PDHX: variants seen among roughly 807,000 people sequenced by gnomAD.
PDHX encodes pyruvate dehydrogenase complex component X.
PDHX carries 33 observed loss-of-function variants against 55.3 expected under a neutral mutation model. The ratio of observed to expected loss-of-function variants is 0.60; its 90% CI spans 0.45 to 0.80. PDHX has a LOEUF of 0.80. Ranked by LOEUF, PDHX falls within the 30% of genes least tolerant of loss-of-function variation. The pLI is 0.00. For synonymous variants in PDHX, 226 were observed against 219.4 expected (o/e 1.03, Z -0.27); for missense variants, 622 against 619.9 (o/e 1.00, Z -0.04).
intron 1 of PDHX, among the ~76,000 whole-genome samples, chr11:34,920,972 C>A (rs2986408): frequency 0.78 from 119,399 of 152,140 alleles, 47,004 homozygotes; most frequent in East Asian, 0.83. Context: ...GTGCTATAAC[C>A]AGGAGAGAGG....
At chr11:34,967,422 A>G (rs543413310) in intron 6 of PDHX, among the ~76,000 whole-genome samples, 1 of 152,316 alleles carries the variant, frequency 6.6e-6, no homozygotes, top group South Asian at 2.1e-4. Flanking sequence ...TATATTCTCT[A>G]CAATCTCATG....
At position 34,978,158 on chromosome 11, in the gene PDHX, C is replaced by T; in HGVS notation, c.999C>T (p.Ile333=). 6.3e-7 allele frequency: 1 copy of T among 1,576,298 alleles called. No homozygotes were observed. Among genetic ancestry groups the T allele is most frequent in the Admixed American group, 1.7e-5 (1 of 59,858 alleles). ...AAGTATCAGTAAATGATTTTATCAT[C>T]AAGGCAGCAGCTGTTACCCTTAAAG... ...DIKVSVNDFI[I]KAAAVTLKQM... The change falls in exon 8 of 11, where the codon ATC becomes ATT. Residue 333 remains isoleucine, a synonymous_variant. Transcript: ENST00000227868.
chr11:34,960,514 A>G lies in PDHX; in HGVS notation c.637A>G (p.Lys213Glu). ...TATGPRGIFTKEDALKLVQLK... is the reference protein window; with the variant it reads ...TATGPRGIFTEEDALKLVQLK... ...CACTGGCCCTCGGGGGATATTCACTAAAGAGTATGTGTTTGCTTTTTGTAA... is the reference window on the plus strand; with the variant it reads ...CACTGGCCCTCGGGGGATATTCACTGAAGAGTATGTGTTTGCTTTTTGTAA... Residue 213 changes from lysine (K) to glutamate (E), a missense_variant, in exon 5 of 11, where the codon AAA becomes GAA. Coordinates refer to ENST00000227868, the MANE Select transcript of PDHX (RefSeq NM_003477.3). 1.9e-6 allele frequency: 3 copies of G among 1,573,158 alleles called. No individual in the cohort carries two copies. The highest frequency in any genetic ancestry group is 2.6e-6 in the Non-Finnish European group (3 of 1,142,994).
intron 3 of PDHX, among the ~76,000 whole-genome samples, 189 bp from the exon 4 acceptor site, chr11:34,957,195 G>T (rs1459533609): frequency 6.6e-6 from 1 of 152,184 alleles, no homozygotes; most frequent in Non-Finnish European, 1.5e-5. Flanking sequence ...AGAGGAGAAT[G>T]GTGAAGGAAG....
intron 8 of PDHX, among the ~76,000 whole-genome samples, chr11:34,980,352 C>CTTGTTTTTTTTTTTTT (rs1855481644): frequency 1.3e-5 from 1 of 74,822 alleles, no homozygotes; most frequent in Non-Finnish European, 2.6e-5. Flanking sequence ...AAGATAGTTT[C>CTTGTTTTTTTTTTTTT]TTTTTTTTTT....
intron 1 of PDHX, among the ~76,000 whole-genome samples, chr11:34,929,520 GT>G (rs1854104972): frequency 1.3e-5 from 2 of 152,328 alleles, no homozygotes; most frequent in Admixed American, 1.3e-4. Flanking sequence ...CATGTTCAAG[GT>G]GGGGAAAAGG....
In PDHX at chr11:34,994,997, G is replaced by A. The variant is rs34398018; in HGVS notation, c.1331G>A (p.Arg444Lys). The change falls in exon 11 of 11, where the codon AGG (arginine) becomes AAG (lysine). Residue 444 changes from arginine (R) to lysine (K), a missense_variant. Transcript: ENST00000227868. ...PPQACILAVGRFRPVLKLTED... is the reference protein window; with the variant it reads ...PPQACILAVGKFRPVLKLTED... ...CAGGCCTGCATTTTGGCGGTTGGGA[G>A]GTTCCGACCTGTGCTGAAGCTCACT... The A allele has an allele frequency of 9.1e-4, 1,463 of 1,614,054 alleles. 14 individuals carry two copies. In the African/African-American group the frequency reaches 0.017, roughly 19 times the overall value.
intron 9 of PDHX, among the ~76,000 whole-genome samples, chr11:34,987,527 G>A (rs1387160248): frequency 1.3e-5 from 2 of 151,976 alleles, no homozygotes; most frequent in Non-Finnish European, 2.9e-5. Flanking sequence ...GTAAGAGAGA[G>A]AGATCTGAGC....
intron 2 of PDHX, among the ~76,000 whole-genome samples, chr11:34,932,197 T>G (rs1854194613): frequency 6.6e-6 from 1 of 152,182 alleles, no homozygotes; most frequent in African/African-American, 2.4e-5. Flanking sequence ...TGAATTCCTC[T>G]GAACCCGGAA....
At position 34,957,437 on chromosome 11, in the gene PDHX, A is replaced by G; in HGVS notation, c.396A>G (p.Val132=). The change falls in exon 4 of 11, where the codon GTA becomes GTG. Residue 132 remains valine, a synonymous_variant. Transcript: ENST00000227868. ...TAGGTTCACTAATTGGTTTGATAGT[A>G]GAAGAAGGAGAAGATTGGAAACATG... ...IRLGSLIGLI[V]EEGEDWKHVE... is the part of the protein sequence containing the mutation. The G allele has an allele frequency of 6.2e-7, 1 of 1,613,546 alleles. No homozygotes were observed. Among genetic ancestry groups the G allele is most frequent in the Non-Finnish European group, 8.5e-7 (1 of 1,179,452 alleles).
At chr11:34,978,754 T>G (rs1021716573) in intron 8 of PDHX, among the ~76,000 whole-genome samples, 1 of 151,890 alleles carries the variant, frequency 6.6e-6, no homozygotes, top group Non-Finnish European at 1.5e-5. Context: ...GTGCCTAGTA[T>G]GGAGAGGTGG....
chr11:34,916,193 C>T (rs1853684483), upstream of PDHX: 1 of 1,600,070 alleles, frequency 6.2e-7, no homozygotes, highest in Non-Finnish European at 8.5e-7. Context: ...GCCTCTCCTC[C>T]TGGGAATACC....
At chr11:34,967,425 A>T (rs1022817660) in intron 6 of PDHX, among the ~76,000 whole-genome samples, 1 of 152,112 alleles carries the variant, frequency 6.6e-6, no homozygotes, top group African/African-American at 2.4e-5. Context: ...ATTCTCTACA[A>T]TCTCATGTTT....
rs755386042 is a variant in PDHX, at chr11:34,984,605, G to A, written c.1059G>A (p.Glu353=). Residue 353 remains glutamate (E), a synonymous_variant, in exon 9 of 11, where the codon GAG becomes GAA. Transcript: ENST00000227868. ...MPDVNVSWDG[E]GPKQLPFIDI... ...ATGTTAATGTAAGCTGGGATGGAGA[G>A]GGCCCAAAGCAACTGCCATTTATTG... 1.2e-6 allele frequency: 2 copies of A among 1,613,962 alleles called. No homozygotes were observed. Among genetic ancestry groups the A allele is most frequent in the Non-Finnish European group, 8.5e-7 (1 of 1,179,962 alleles).
chr11:34,931,263 G>A, intron 1 of PDHX, 141 bp from the exon 2 acceptor site: 1 of 653,956 alleles, frequency 1.5e-6, no homozygotes, highest in South Asian at 1.7e-5. Context: ...TGGAGACTTA[G>A]TTTACCAGTT....
intron 5 of PDHX, among the ~76,000 whole-genome samples, chr11:34,964,696 A>C (rs375787552): frequency 6.7e-6 from 1 of 149,448 alleles, no homozygotes; most frequent in East Asian, 1.9e-4. Context: ...CTACCCAAGA[A>C]CCTTAATTAC....
At chr11:34,970,704 T>G (rs1590759788) in intron 7 of PDHX, among the ~76,000 whole-genome samples, 1 of 152,172 alleles carries the variant, frequency 6.6e-6, no homozygotes, top group Admixed American at 6.5e-5. Flanking sequence ...GATGTGAAAC[T>G]TTTTGAGTGC....
rs972986734 is a variant in PDHX at position 34,951,236 on chromosome 11, T to G, written c.342+3630T>G. ...CACGCCCGGCTAATTTTTCTGTATT[T>G]TTTTAGTAGAGACGGGGTTTCACCG... is the stretch of plus-strand genomic sequence containing the variant. On this transcript the variant is annotated intron_variant, in intron 3 of 10. Coordinates refer to ENST00000227868, the MANE Select transcript of PDHX (RefSeq NM_003477.3). Among the ~76,000 whole-genome samples, 8 of 151,968 alleles carry G rather than the reference T, an allele frequency of 5.3e-5. No individual in the cohort carries two copies. The Middle Eastern group carries it at 0.01, about 194-fold the overall frequency.
Position 34,984,579 on chromosome 11 carries a change from G to T in PDHX, c.1033G>T (p.Asp345Tyr). Reference protein sequence around the residue: ...AAAVTLKQMPDVNVSWDGEGP... With the variant: ...AAAVTLKQMPYVNVSWDGEGP... ...CTTTTTCTATTTCTAGCAAATGCCA[G>T]ATGTTAATGTAAGCTGGGATGGAGA... Residue 345 changes from aspartate to tyrosine, a missense_variant, in exon 9 of 11, where the codon GAT becomes TAT. Physicochemically the swap from Asp to Tyr is radical, Grantham distance 160. Transcript: ENST00000227868. 1 of 1,613,974 alleles carries T rather than the reference G, an allele frequency of 6.2e-7. No homozygotes were observed. The highest frequency in any genetic ancestry group is 8.5e-7 in the Non-Finnish European group (1 of 1,179,942).
Sources: allele counts gnomAD v4.1 joint callset (sites outside exome capture counted in the v4.1 genomes callset), GRCh38; gene constraint gnomAD v4.1.1; transcripts MANE v1.5; gene names NCBI Gene and HGNC (gene_info 2026-07-23, HGNC 2026-07-21).